ALK: variants seen among roughly 807,000 people sequenced by gnomAD.
ALK encodes the protein ALK receptor tyrosine kinase.
ALK carries 74 observed loss-of-function variants against 163.1 expected under a neutral mutation model. That is an observed-to-expected ratio of 0.45 (90% CI 0.38 to 0.55). ALK has a LOEUF of 0.55. ALK is among the 20% of genes least tolerant of loss of function. ALK has a pLI of 0.00. For missense variants in ALK, 2,063 were observed against 2,105.3 expected (o/e 0.98, Z 0.39); for synonymous variants, 960 against 843.2 (o/e 1.14, Z -2.40).
chr2:29,297,174 G>C, intron 8 of ALK, 117 bp from the exon 9 acceptor site: 1 of 1,183,006 alleles, frequency 8.5e-7, no homozygotes, highest in Non-Finnish European at 1.2e-6. Flanking sequence ...TCAGCCTGGT[G>C]AGAAGAGCTG....
chr2:29,811,851 G>A (rs58380787), intron 1 of ALK, among the ~76,000 whole-genome samples: 44,780 of 151,976 alleles, frequency 0.29, 8,034 homozygotes, highest in Non-Finnish European at 0.4. Flanking sequence ...ATCTGTCTAC[G>A]CCCCTTCCAG....
intron 3 of ALK, among the ~76,000 whole-genome samples, chr2:29,621,695 C>T (rs774230544): frequency 4.6e-5 from 7 of 152,242 alleles, no homozygotes; most frequent in Non-Finnish European, 1.0e-4. Context: ...GCCTTCTGAT[C>T]TGAAATTCCA....
intron 1 of ALK, among the ~76,000 whole-genome samples, chr2:29,807,316 A>C (rs34793876): frequency 0.13 from 20,521 of 152,262 alleles, 1,703 homozygotes; most frequent in South Asian, 0.21. Context: ...AATGAAAAAG[A>C]ATAGAAGATA....
chr2:29,674,157 A>G (rs1297057643), intron 3 of ALK, among the ~76,000 whole-genome samples: 2 of 151,342 alleles, frequency 1.3e-5, no homozygotes, highest in East Asian at 1.9e-4. Flanking sequence ...CTAATTGAAT[A>G]CCCTTTATTT....
chr2:29,428,137 A>G (rs1670188493), intron 4 of ALK, among the ~76,000 whole-genome samples: 1 of 152,074 alleles, frequency 6.6e-6, no homozygotes, highest in East Asian at 1.9e-4. Context: ...CAGTGCTTAA[A>G]GAGAAATTTA....
intron 8 of ALK, among the ~76,000 whole-genome samples, chr2:29,314,011 G>A (rs1666759004): frequency 6.6e-6 from 1 of 152,070 alleles, no homozygotes; most frequent in Non-Finnish European, 1.5e-5. Flanking sequence ...CCGAGGTCGG[G>A]GGCAAGCTTC....
chr2:29,668,397 T>C (rs550837074), intron 3 of ALK, among the ~76,000 whole-genome samples: 2 of 152,108 alleles, frequency 1.3e-5, no homozygotes, highest in African/African-American at 2.4e-5. Flanking sequence ...TTTATTGCTA[T>C]AAACTCCCTG....
intron 4 of ALK, among the ~76,000 whole-genome samples, chr2:29,523,234 A>T (rs1276460373): frequency 1.3e-5 from 2 of 152,100 alleles, no homozygotes; most frequent in East Asian, 3.9e-4. Context: ...TCCTCTCATC[A>T]TCCACCTGAC....
At chr2:29,383,950 G>A in intron 4 of ALK, 91 bp from the exon 5 acceptor site, 1 of 1,518,550 alleles carries the variant, frequency 6.6e-7, no homozygotes, top group Non-Finnish European at 9.1e-7. Flanking sequence ...TCCTTGCAGG[G>A]ACTTCAGGAC....
intron 4 of ALK, among the ~76,000 whole-genome samples, chr2:29,509,994 C>T (rs1296848975): frequency 6.6e-6 from 1 of 152,172 alleles, no homozygotes; most frequent in East Asian, 1.9e-4. Flanking sequence ...CTCTCTAGTC[C>T]AGGATTGCCT....
At chr2:29,881,713 C>T (rs1343844114) in intron 1 of ALK, among the ~76,000 whole-genome samples, 1 of 152,166 alleles carries the variant, frequency 6.6e-6, no homozygotes, top group East Asian at 1.9e-4. Flanking sequence ...AGCTGAAATG[C>T]CTCTTCCTCC....
At chr2:29,910,973 A>T (rs1477758944) in intron 1 of ALK, among the ~76,000 whole-genome samples, 1 of 152,138 alleles carries the variant, frequency 6.6e-6, no homozygotes, top group African/African-American at 2.4e-5. Flanking sequence ...GGACGAAACA[A>T]CAACAACAAC....
chr2:29,858,065 G>A (rs1296193284), intron 1 of ALK, among the ~76,000 whole-genome samples: 1 of 152,076 alleles, frequency 6.6e-6, no homozygotes, highest in Non-Finnish European at 1.5e-5. Context: ...GTGCATGTGT[G>A]TGTGTGTGTA....
intron 3 of ALK, among the ~76,000 whole-genome samples, chr2:29,662,597 T>C (rs1396564577): frequency 1.3e-5 from 2 of 152,168 alleles, no homozygotes; most frequent in South Asian, 4.1e-4. Context: ...AGGTGATCAT[T>C]AGGGGTGCTG....
rs184061278 is a variant in ALK, at chr2:29,573,004, C to T, written c.953-40888G>A. Among the ~76,000 whole-genome samples the T allele has an allele frequency of 6.2e-4, 94 of 152,328 alleles. 2 individuals are homozygous for T. The highest frequency in any genetic ancestry group is 5.4e-3 in the Admixed American group (82 of 15,296). ...GCCCTGGCTTCTGAGCTCACCATCC[C>T]GTCTCTAGTTCCAAAGCAGTTTTTA... On this transcript the variant is annotated intron_variant, in intron 3 of 28. Transcript: ENST00000389048.
intron 1 of ALK, among the ~76,000 whole-genome samples, chr2:29,805,354 A>G (rs1664580783): frequency 6.6e-6 from 1 of 152,322 alleles, no homozygotes; most frequent in Admixed American, 6.5e-5. Context: ...GATTTGTTAC[A>G]TAGTGTGGAC....
chr2:29,732,910 T>TC (rs112576297), intron 1 of ALK, among the ~76,000 whole-genome samples: 9,745 of 152,078 alleles, frequency 0.064, 830 homozygotes, highest in African/African-American at 0.2. Context: ...GTTTTTTTTT[T>TC]TTTTAAGCAG....
intron 3 of ALK, among the ~76,000 whole-genome samples, chr2:29,638,684 T>A (rs900043976): frequency 1.3e-5 from 2 of 152,168 alleles, no homozygotes; most frequent in Non-Finnish European, 2.9e-5. Flanking sequence ...GAGTGGCCTG[T>A]TTCTTGCCCT....
intron 1 of ALK, among the ~76,000 whole-genome samples, chr2:29,865,003 C>G (rs868753474): frequency 5.3e-5 from 8 of 152,222 alleles, no homozygotes; most frequent in African/African-American, 9.6e-5. Context: ...GACCTCTCAG[C>G]CACTTTCTGG....
Sources: allele counts gnomAD v4.1 joint callset (sites outside exome capture counted in the v4.1 genomes callset), GRCh38; gene constraint gnomAD v4.1.1; transcripts MANE v1.5; gene names NCBI Gene and HGNC (gene_info 2026-07-23, HGNC 2026-07-21).